Variants in ABCA13 observed in about 807,000 individuals in gnomAD.
The protein encoded by ABCA13 is ATP-binding cassette sub-family A member 13.
ABCA13 carries 476 observed loss-of-function variants against 478.7 expected under a neutral mutation model. That is an observed-to-expected ratio of 0.99 (90% CI 0.92 to 1.07). The LOEUF (loss-of-function observed/expected upper bound fraction) is 1.07, where lower values mean the gene tolerates loss of function less well. ABCA13 is among the 50% of genes least tolerant of loss of function. ABCA13 has a pLI of 0.00. For synonymous variants in ABCA13, 2,252 were observed against 2,158.9 expected (o/e 1.04, Z -1.20); for missense variants, 6,060 against 5,910.6 (o/e 1.03, Z -0.83).
intron 34 of ABCA13, among the ~76,000 whole-genome samples, chr7:48,375,460 G>A (rs1813316713): frequency 6.6e-6 from 1 of 152,100 alleles, no homozygotes; most frequent in South Asian, 2.1e-4. Flanking sequence ...GGTCTAATAA[G>A]CATAAAATAG....
At chr7:48,439,004 T>C (rs578239709) in intron 42 of ABCA13, among the ~76,000 whole-genome samples, 1 of 152,180 alleles carries the variant, frequency 6.6e-6, no homozygotes, top group African/African-American at 2.4e-5. Flanking sequence ...CCTTACTTTT[T>C]TAATATTTGT....
intron 48 of ABCA13, among the ~76,000 whole-genome samples, chr7:48,497,568 T>C (rs944695801): frequency 6.6e-6 from 1 of 152,212 alleles, no homozygotes. Flanking sequence ...AGGAATCATA[T>C]GAGAGCCACC....
intron 48 of ABCA13, among the ~76,000 whole-genome samples, chr7:48,496,442 T>A (rs1251069524): frequency 6.6e-6 from 1 of 152,120 alleles, no homozygotes; most frequent in Non-Finnish European, 1.5e-5. Flanking sequence ...GTGTTCTAAT[T>A]CTTAGTTAAG....
In ABCA13 at chr7:48,352,382, A is replaced by C; in HGVS notation, c.10583A>C (p.Gln3528Pro). 1.2e-6 allele frequency: 2 copies of C among 1,613,618 alleles called. No individual in the cohort carries two copies. The highest frequency in any genetic ancestry group is 1.7e-6 in the Non-Finnish European group (2 of 1,179,818). The change falls in exon 31 of 62, where the codon CAA becomes CCA. Residue 3528 changes from glutamine (Q) to proline (P), a missense_variant. Physicochemically the swap from Gln to Pro is moderately conservative, Grantham distance 76. Transcript: ENST00000435803. ...FKYNYVFAPL[Q>P]DMIERAIILV... ...TATAACTACGTCTTTGCCCCACTGCAAGACATGATCGAAAGAGCCATCATT... is the reference window on the plus strand; with the variant it reads ...TATAACTACGTCTTTGCCCCACTGCCAGACATGATCGAAAGAGCCATCATT...
intron 43 of ABCA13, among the ~76,000 whole-genome samples, chr7:48,462,021 A>ATC (rs10665747): frequency 0.19 from 28,496 of 152,000 alleles, 3,086 homozygotes; most frequent in African/African-American, 0.29. Context: ...ACATGGGGAG[A>ATC]TATTTAGGGG....
intron 56 of ABCA13, among the ~76,000 whole-genome samples, chr7:48,581,003 A>G (rs908335019): frequency 4.6e-5 from 7 of 152,206 alleles, no homozygotes; most frequent in South Asian, 2.1e-4. Flanking sequence ...AGTAGAGGTC[A>G]GCGAAGCAGA....
intron 55 of ABCA13, among the ~76,000 whole-genome samples, chr7:48,540,057 G>A (rs1375047631): frequency 6.6e-6 from 1 of 152,116 alleles, no homozygotes; most frequent in Non-Finnish European, 1.5e-5. Context: ...AAAGAGAGTT[G>A]TGATACTACT....
chr7:48,558,776 C>T (rs943681548), intron 55 of ABCA13, among the ~76,000 whole-genome samples: 6 of 152,200 alleles, frequency 3.9e-5, no homozygotes, highest in Admixed American at 1.3e-4. Flanking sequence ...ATCTCTGTTT[C>T]TCCAGGATTG....
At chr7:48,305,442 G>A (rs1478521390) in intron 23 of ABCA13, among the ~76,000 whole-genome samples, 3 of 152,230 alleles carry the variant, frequency 2.0e-5, no homozygotes, top group Non-Finnish European at 2.9e-5. Flanking sequence ...TCTGAAGGGC[G>A]TAGGGCCTAT....
intron 1 of ABCA13, among the ~76,000 whole-genome samples, chr7:48,184,158 G>T (rs1196407864): frequency 1.3e-5 from 2 of 152,140 alleles, no homozygotes; most frequent in African/African-American, 4.8e-5. Flanking sequence ...GTAAAATGAT[G>T]ATCTCATTGG....
chr7:48,470,355 A>AAG (rs1467604422), intron 44 of ABCA13, among the ~76,000 whole-genome samples: 1 of 152,238 alleles, frequency 6.6e-6, no homozygotes, highest in Non-Finnish European at 1.5e-5. Flanking sequence ...AGAGAAAAAG[A>AAG]AGACTTTTTG....
At chr7:48,345,301 A>C (rs1019678350) in intron 29 of ABCA13, among the ~76,000 whole-genome samples, 8 of 152,198 alleles carry the variant, frequency 5.3e-5, no homozygotes, top group Non-Finnish European at 1.0e-4. Context: ...TCATATATAT[A>C]TTTATGAGTT....
At chr7:48,205,135 A>G (rs1784764392) in intron 3 of ABCA13, among the ~76,000 whole-genome samples, 1 of 152,174 alleles carries the variant, frequency 6.6e-6, no homozygotes, top group Admixed American at 6.5e-5. Context: ...TTCTCCTCCA[A>G]TAAAACTTAT....
intron 55 of ABCA13, among the ~76,000 whole-genome samples, chr7:48,559,548 A>G (rs56994879): frequency 0.017 from 2,569 of 152,190 alleles, 65 homozygotes; most frequent in African/African-American, 0.058. Context: ...GCTGGTACAT[A>G]AGATTCAAGA....
chr7:48,336,649 G>A (rs963894835), intron 28 of ABCA13, among the ~76,000 whole-genome samples: 2 of 152,222 alleles, frequency 1.3e-5, no homozygotes, highest in Admixed American at 1.3e-4. Context: ...CAGCCCATGG[G>A]AGGCGTGGCC....
At chr7:48,213,700 T>A (rs1413532767) in intron 3 of ABCA13, among the ~76,000 whole-genome samples, 2 of 152,082 alleles carry the variant, frequency 1.3e-5, no homozygotes, top group African/African-American at 2.4e-5. Context: ...AAAATGAGAG[T>A]CAATCTTCTC....
Position 48,372,438 on chromosome 7 carries a change from C to G in ABCA13, c.11074C>G (p.Pro3692Ala). The change falls in exon 33 of 62, where the codon CCC becomes GCC. Residue 3692 changes from proline to alanine, a missense_variant. Coordinates refer to ENST00000435803, the MANE Select transcript of ABCA13 (RefSeq NM_152701.5). ...CCTGGTGTACATGATCAGCTTTCTG[C>G]CCTACATAGTTCTATTGGTTCTACA... is the stretch of plus-strand genomic sequence containing the variant. ...TSLVYMISFL[P>A]YIVLLVLHNQ... 6.2e-7 allele frequency: 1 copy of G among 1,613,598 alleles called. No individual in the cohort carries two copies. Among genetic ancestry groups the G allele is most frequent in the Non-Finnish European group, 8.5e-7 (1 of 1,179,790 alleles).
chr7:48,584,799 T>C (rs1488655889), intron 56 of ABCA13, among the ~76,000 whole-genome samples: 1 of 152,256 alleles, frequency 6.6e-6, no homozygotes, highest in Non-Finnish European at 1.5e-5. Flanking sequence ...ATAGGAACTT[T>C]TATTTCTACC....
intron 8 of ABCA13, among the ~76,000 whole-genome samples, chr7:48,235,729 C>T (rs901740618): frequency 6.6e-6 from 1 of 152,144 alleles, no homozygotes; most frequent in African/African-American, 2.4e-5. Flanking sequence ...GGCTGGGGCT[C>T]ATGAATTAAC....
Sources: gnomAD v4.1 joint callset for allele counts (sites outside exome capture counted in the v4.1 genomes callset) on GRCh38, gnomAD v4.1.1 for gene constraint, MANE v1.5 for transcripts, NCBI Gene and HGNC (gene_info 2026-07-23, HGNC 2026-07-21) for gene names.